ITGA11: variants seen among roughly 807,000 people sequenced by gnomAD.
ITGA11 encodes the protein integrin alpha-11.
In ITGA11, 97 loss-of-function variants were observed where a neutral mutation model predicts 141.9. The observed-to-expected ratio is 0.68, with a 90% CI of 0.58 to 0.81. The LOEUF (loss-of-function observed/expected upper bound fraction) is 0.81. ITGA11 is among the 30% of genes least tolerant of loss of function. ITGA11 has a pLI of 0.00. For missense variants in ITGA11, 1,387 were observed against 1,559.2 expected (o/e 0.89, Z 1.86); for synonymous variants, 658 against 624.6 (o/e 1.05, Z -0.80).
Position 68,371,800 on chromosome 15 carries a change from C to T in ITGA11, c.165-2516G>A, listed in dbSNP as rs574397643. 5.3e-5 allele frequency among the ~76,000 whole-genome samples: 8 copies of T among 151,922 alleles called. No homozygotes were observed. The South Asian group carries it at 8.4e-4, about 16-fold the overall frequency. On this transcript the variant is annotated intron_variant, in intron 2 of 29. Coordinates refer to ENST00000315757, the MANE Select transcript of ITGA11 (RefSeq NM_001004439.2). Reference sequence around the variant, plus strand: ...GCTATGCGCAAAGACTGGTGGCTTCCGAAAAGTCACGTGTCCTGGCAGTGG... The same window carrying T: ...GCTATGCGCAAAGACTGGTGGCTTCTGAAAAGTCACGTGTCCTGGCAGTGG...
chr15:68,319,169 A>T (rs777307875), intron 20 of ITGA11, among the ~76,000 whole-genome samples: 6 of 152,232 alleles, frequency 3.9e-5, no homozygotes, highest in Non-Finnish European at 7.3e-5. Flanking sequence ...GCGCAGGCTC[A>T]GGCGCCAGCT....
At chr15:68,372,009 G>A (rs769957476) in intron 2 of ITGA11, among the ~76,000 whole-genome samples, 9 of 152,110 alleles carry the variant, frequency 5.9e-5, no homozygotes, top group East Asian at 1.9e-4. Context: ...GCTTACTGTC[G>A]CCATAATATA....
At chr15:68,393,754 A>G (rs1595888969) in intron 2 of ITGA11, among the ~76,000 whole-genome samples, 2 of 152,286 alleles carry the variant, frequency 1.3e-5, no homozygotes, top group Admixed American at 1.3e-4. Flanking sequence ...AATTATCTCA[A>G]ATGAGAGCAC....
intron 3 of ITGA11, among the ~76,000 whole-genome samples, chr15:68,367,352 G>C (rs1895454944): frequency 6.6e-6 from 1 of 152,124 alleles, no homozygotes; most frequent in African/African-American, 2.4e-5. Context: ...CAACCTCATT[G>C]CCTCTGTCCC....
intron 1 of ITGA11, among the ~76,000 whole-genome samples, chr15:68,422,249 G>A (rs374474423): frequency 3.3e-5 from 5 of 152,076 alleles, no homozygotes; most frequent in Middle Eastern, 3.2e-3. Context: ...CTGCCTGAGG[G>A]CCACCTCCAC....
chr15:68,360,429 G>A (rs1895202603), intron 5 of ITGA11, among the ~76,000 whole-genome samples: 2 of 151,932 alleles, frequency 1.3e-5, no homozygotes, highest in Non-Finnish European at 1.5e-5. Flanking sequence ...TGAGGGCTAC[G>A]GTTCCTAAAC....
intron 10 of ITGA11, among the ~76,000 whole-genome samples, chr15:68,346,868 T>C (rs748892): frequency 0.46 from 70,573 of 152,068 alleles, 16,744 homozygotes; most frequent in Middle Eastern, 0.68. Flanking sequence ...TGTCTCCCCC[T>C]ATCCCCTGCA....
intron 10 of ITGA11, among the ~76,000 whole-genome samples, chr15:68,342,685 G>A (rs1348524167): frequency 6.6e-6 from 1 of 152,246 alleles, no homozygotes; most frequent in Non-Finnish European, 1.5e-5. Flanking sequence ...CGGCAGTGAA[G>A]GCAGCATGGT....
Position 68,400,661 on chromosome 15 carries a change from T to TATTATA in ITGA11, c.164+2256_164+2257insTATAAT, listed in dbSNP as rs1352866748. On this transcript the variant is annotated intron_variant, in intron 2 of 29. Coordinates refer to ENST00000315757, the MANE Select transcript of ITGA11 (RefSeq NM_001004439.2). ...ATAATATTATATATTATATAATAAA[T>TATTATA]ATATTATATATTATATAATAAATAT... 2.3e-3 allele frequency among the ~76,000 whole-genome samples: 63 copies of TATTATA among 27,750 alleles called. 1 individual carries two copies. The highest frequency in any genetic ancestry group is 0.011 in the African/African-American group (41 of 3,636). 18.2% of individuals were successfully genotyped at this position (27,750 alleles called of 152,430 possible). A position where few individuals can be genotyped will look rare whatever the true frequency, so the allele number is the denominator to read the frequency against.
chr15:68,369,064 G>C (rs917274574), intron 3 of ITGA11, 120 bp downstream of exon 3: 31 of 728,168 alleles, frequency 4.3e-5, no homozygotes, highest in Non-Finnish European at 7.0e-5. Context: ...TATCAGCTGG[G>C]TCATCTCATG....
chr15:68,317,377 G>A lies in ITGA11; in HGVS notation c.2617-14C>T, dbSNP rs562788172. On this transcript the variant is annotated splice_polypyrimidine_tract_variant and intron_variant, in intron 20 of 29. Transcript: ENST00000315757. The stretch of plus-strand genomic sequence containing the variant: ...GTCTGAGTCCTCCTGGAGGTGGGTG[G>A]CAGACATCATGGCAGCAGTTAGGTG... 10 of 1,581,550 alleles carry A rather than the reference G, an allele frequency of 6.3e-6. No individual in the cohort carries two copies. In the African/African-American group the frequency reaches 1.3e-4, roughly 21 times the overall value.
intron 1 of ITGA11, among the ~76,000 whole-genome samples, chr15:68,428,731 G>A (rs1897200795): frequency 6.6e-6 from 1 of 152,162 alleles, no homozygotes; most frequent in Non-Finnish European, 1.5e-5. Flanking sequence ...TTTTCCACAG[G>A]TTGCTTTCTG....
At chr15:68,424,786 C>A (rs1897102105) in intron 1 of ITGA11, among the ~76,000 whole-genome samples, 1 of 152,236 alleles carries the variant, frequency 6.6e-6, no homozygotes, top group South Asian at 2.1e-4. Context: ...TCAAGTCTGC[C>A]AAGGTGGAAG....
chr15:68,420,556 C>G (rs1451873815), intron 1 of ITGA11, among the ~76,000 whole-genome samples: 1 of 152,196 alleles, frequency 6.6e-6, no homozygotes, highest in Non-Finnish European at 1.5e-5. Flanking sequence ...AGGGAAAAGT[C>G]AGGACTGAAT....
intron 12 of ITGA11, among the ~76,000 whole-genome samples, chr15:68,334,646 G>A (rs1315002074): frequency 1.3e-5 from 2 of 152,162 alleles, no homozygotes; most frequent in African/African-American, 2.4e-5. Flanking sequence ...CAGCAAGTGA[G>A]GGAGGGGGCG....
chr15:68,403,611 CTT>C (rs869266577), intron 1 of ITGA11, among the ~76,000 whole-genome samples: 1 of 79,488 alleles, frequency 1.3e-5, no homozygotes, highest in African/African-American at 6.8e-5. Flanking sequence ...AAATAAACCT[CTT>C]TTCTTTCTTT....
chr15:68,429,286 G>T (rs1897215828), intron 1 of ITGA11, among the ~76,000 whole-genome samples: 1 of 152,204 alleles, frequency 6.6e-6, no homozygotes, highest in African/African-American at 2.4e-5. Context: ...CCCAGGCAGT[G>T]AAACTCCAGG....
rs557058047 is a variant in ITGA11 at position 68,364,749 on chromosome 15, G to T, written c.315C>A (p.Leu105=). 4.4e-6 allele frequency: 7 copies of T among 1,606,666 alleles called. No individual in the cohort carries two copies. The African/African-American group carries it at 6.7e-5, about 15-fold the overall frequency. ...TGGGGTTGGTGGCGAGACTAAGGCC[G>T]AGGCGCATGTTGTCTTTCCGCTCGG... is the stretch of plus-strand genomic sequence containing the variant. ...NVSERKDNMR[L]GLSLATNPKD... is the part of the protein sequence containing the mutation. Residue 105 remains leucine, a synonymous_variant, in exon 4 of 30, where the codon CTC becomes CTA. Transcript: ENST00000315757.
chr15:68,384,543 G>A (rs533048653), intron 2 of ITGA11, among the ~76,000 whole-genome samples: 4 of 152,292 alleles, frequency 2.6e-5, no homozygotes, highest in African/African-American at 9.6e-5. Context: ...TTTTCTTCTT[G>A]TCTGTGTGTG....
Sources: allele counts gnomAD v4.1 joint callset (sites outside exome capture counted in the v4.1 genomes callset), GRCh38; gene constraint gnomAD v4.1.1; transcripts MANE v1.5; gene names NCBI Gene and HGNC (gene_info 2026-07-23, HGNC 2026-07-21).